ASIC2: variants seen among roughly 807,000 people sequenced by gnomAD.
The protein encoded by ASIC2 is acid sensing ion channel subunit 2, also known as acid-sensing ion channel 2.
A neutral mutation model predicts 57.3 loss-of-function variants in ASIC2; 25 were observed. The observed-to-expected ratio is 0.44, with a 90% confidence interval of 0.32 to 0.61. ASIC2 has a LOEUF of 0.61. ASIC2 is among the 20% of genes least tolerant of loss of function. The pLI is 0.06. For synonymous variants in ASIC2, 319 were observed against 307.5 expected, an observed-to-expected ratio of 1.04 and a Z score of -0.39; for missense variants, 641 against 738.1, an observed-to-expected ratio of 0.87 and a Z score of 1.52.
upstream of ASIC2, among the ~76,000 whole-genome samples, chr17:33,293,325 G>A (rs952367353): frequency 2.6e-5 from 4 of 152,114 alleles, no homozygotes; most frequent in African/African-American, 4.8e-5. Context: ...GGCCGTGAGC[G>A]CCGTGCGCTC....
intron 1 of ASIC2, among the ~76,000 whole-genome samples, chr17:33,561,617 A>G (rs565486571): frequency 6.6e-6 from 1 of 152,214 alleles, no homozygotes; most frequent in African/African-American, 2.4e-5. Context: ...AACACCATCC[A>G]TTTTCTTATA....
intron 1 of ASIC2, among the ~76,000 whole-genome samples, chr17:33,227,234 G>A (rs753346656): frequency 6.6e-6 from 1 of 152,174 alleles, no homozygotes; most frequent in Non-Finnish European, 1.5e-5. Flanking sequence ...GAGGGGCACT[G>A]GAGGATGTCT....
intron 1 of ASIC2, among the ~76,000 whole-genome samples, chr17:33,858,863 T>C (rs181104348): frequency 1.3e-5 from 2 of 152,334 alleles, no homozygotes; most frequent in African/African-American, 4.8e-5. Flanking sequence ...TAGGGAGACC[T>C]AGTTTTGTCA....
At chr17:33,400,318 T>A (rs10853155) in intron 1 of ASIC2, among the ~76,000 whole-genome samples, 4 of 152,002 alleles carry the variant, frequency 2.6e-5, no homozygotes, top group Non-Finnish European at 5.9e-5. Context: ...TCAGGGAATC[T>A]GTCAGGGTCT....
intron 1 of ASIC2, among the ~76,000 whole-genome samples, chr17:33,596,586 A>G (rs1904985465): frequency 6.6e-6 from 1 of 152,196 alleles, no homozygotes; most frequent in Admixed American, 6.5e-5. Flanking sequence ...GTCTAACACA[A>G]AGAACCTGCA....
chr17:33,552,401 A>G (rs1597781505), intron 1 of ASIC2, among the ~76,000 whole-genome samples: 1 of 152,266 alleles, frequency 6.6e-6, no homozygotes, highest in South Asian at 2.1e-4. Flanking sequence ...AGTAACACAA[A>G]AGACCTTTGC....
At chr17:33,663,010 G>A (rs761727382) in intron 1 of ASIC2, among the ~76,000 whole-genome samples, 6 of 152,128 alleles carry the variant, frequency 3.9e-5, no homozygotes, top group Non-Finnish European at 5.9e-5. Flanking sequence ...CTCTTGTTAG[G>A]TGACACCAGG....
chr17:33,076,536 A>G (rs1233634231), intron 3 of ASIC2, among the ~76,000 whole-genome samples: 1 of 152,226 alleles, frequency 6.6e-6, no homozygotes, highest in Non-Finnish European at 1.5e-5. Context: ...TGCACACTCA[A>G]TTGTGTTCTC....
intron 1 of ASIC2, among the ~76,000 whole-genome samples, chr17:33,656,200 A>T (rs1345325648): frequency 6.6e-6 from 1 of 152,168 alleles, no homozygotes; most frequent in Non-Finnish European, 1.5e-5. Context: ...ACCAGAAATG[A>T]CTTAAATCTT....
intron 1 of ASIC2, among the ~76,000 whole-genome samples, chr17:33,900,685 G>C (rs1161448390): frequency 6.6e-6 from 1 of 152,096 alleles, no homozygotes; most frequent in African/African-American, 2.4e-5. Context: ...CTCACTAATA[G>C]ACAGTTTTAT....
chr17:34,138,754 A>G (rs1485192660), intron 1 of ASIC2, among the ~76,000 whole-genome samples: 1 of 151,974 alleles, frequency 6.6e-6, no homozygotes, highest in East Asian at 1.9e-4. Context: ...AGTCCTACCA[A>G]CCTTCGCTCT....
intron 1 of ASIC2, among the ~76,000 whole-genome samples, chr17:33,351,622 T>C (rs4567776): frequency 0.45 from 68,272 of 151,994 alleles, 15,845 homozygotes; most frequent in Middle Eastern, 0.56. Flanking sequence ...TCTCATGTTT[T>C]CCTACCTCCA....
chr17:33,448,049 TAATAAAATAAAATAAAATAAAATAA>T (rs67408111), intron 1 of ASIC2, among the ~76,000 whole-genome samples: 21 of 140,024 alleles, frequency 1.5e-4, no homozygotes, highest in African/African-American at 4.8e-4. Flanking sequence ...TCTTTATGCA[TAATAAAATAAAATAAAATAAAATAA>T]AATAAAATAA....
At chr17:33,063,191 T>C (rs1358056057) in intron 3 of ASIC2, among the ~76,000 whole-genome samples, 6 of 152,236 alleles carry the variant, frequency 3.9e-5, no homozygotes, top group Admixed American at 6.5e-5. Context: ...TGTGTGAATT[T>C]GATCCTGTCA....
At chr17:34,025,974 C>T (rs1265666199) in intron 1 of ASIC2, among the ~76,000 whole-genome samples, 1 of 152,210 alleles carries the variant, frequency 6.6e-6, no homozygotes, top group Admixed American at 6.5e-5. Context: ...ACATCTCAGG[C>T]TCCTTTTTCT....
At chr17:33,599,650 G>A (rs1008367736) in intron 1 of ASIC2, among the ~76,000 whole-genome samples, 22 of 152,200 alleles carry the variant, frequency 1.4e-4, no homozygotes, top group African/African-American at 5.1e-4. Context: ...ACTGAACACA[G>A]GCCAGTGTGG....
chr17:33,968,998 T>C (rs955517101), intron 1 of ASIC2, among the ~76,000 whole-genome samples: 1 of 152,004 alleles, frequency 6.6e-6, no homozygotes, highest in African/African-American at 2.4e-5. Context: ...TCAGACAATG[T>C]GTGTGGGGCG....
At chr17:33,631,322 A>ATTTTTTTTTTTTTTTTTTTTTGTGT (rs113222295) in intron 1 of ASIC2, among the ~76,000 whole-genome samples, 1 of 134,526 alleles carries the variant, frequency 7.4e-6, no homozygotes. Context: ...GCTTTTAGTG[A>ATTTTTTTTTTTTTTTTTTTTTGTGT]TTTTTTTTTT....
intron 1 of ASIC2, among the ~76,000 whole-genome samples, chr17:34,082,538 T>A (rs1452322188): frequency 6.6e-6 from 1 of 152,224 alleles, no homozygotes; most frequent in African/African-American, 2.4e-5. Flanking sequence ...TCCTTTTGCC[T>A]TGGACTGATA....
Sources: gnomAD v4.1 joint callset for allele counts (sites outside exome capture counted in the v4.1 genomes callset) on GRCh38, gnomAD v4.1.1 for gene constraint, MANE v1.5 for transcripts, NCBI Gene and HGNC (gene_info 2026-07-23, HGNC 2026-07-21) for gene names.